Variants in LASP1 observed in about 807,000 individuals in gnomAD.
LASP1 encodes the protein LIM and SH3 protein 1.
In LASP1, 10 loss-of-function variants were observed where a neutral mutation model predicts 38.6. That is an observed-to-expected ratio of 0.26 (90% CI 0.16 to 0.44). The LOEUF is 0.44. LASP1 is among the 20% of genes least tolerant of loss of function. The pLI is 1.00. For missense variants in LASP1, 243 were observed against 375.7 expected, an observed-to-expected ratio of 0.65 and a Z score of 2.92; for synonymous variants, 132 against 140.8, an observed-to-expected ratio of 0.94 and a Z score of 0.44.
intron 2 of LASP1, among the ~76,000 whole-genome samples, chr17:38,888,359 G>A (rs188029723): frequency 6.6e-6 from 1 of 151,866 alleles, no homozygotes; most frequent in African/African-American, 2.4e-5. Context: ...CTCACTGCAA[G>A]CTCCACCTCC....
chr17:38,899,747 C>CTTT (rs34397105), intron 4 of LASP1, among the ~76,000 whole-genome samples: 6 of 136,124 alleles, frequency 4.4e-5, no homozygotes, highest in African/African-American at 1.1e-4. Context: ...GCGTTCAGAT[C>CTTT]TTTTTTTTTT....
At chr17:38,898,916 C>A (rs1914565677) in intron 4 of LASP1, 1 of 368,888 alleles carries the variant, frequency 2.7e-6, no homozygotes, top group Non-Finnish European at 5.4e-6. Flanking sequence ...GCTGACATTG[C>A]AGTCATTTCC....
At chr17:38,903,338 C>G (rs566837808) in intron 4 of LASP1, among the ~76,000 whole-genome samples, 54 of 152,168 alleles carry the variant, frequency 3.5e-4, no homozygotes, top group Non-Finnish European at 6.5e-4. Flanking sequence ...ATGCCAAGTG[C>G]TTGGCATGGG....
In LASP1 at chr17:38,875,056, C is replaced by CGTGTGTGTGTGTGTGTGTGTGTGT. The variant is rs3220064; in HGVS notation, c.70-3020_70-2997dup. 2.0e-3 allele frequency among the ~76,000 whole-genome samples: 277 copies of CGTGTGTGTGTGTGTGTGTGTGTGT among 140,388 alleles called. 2 individuals are homozygous for CGTGTGTGTGTGTGTGTGTGTGTGT. The highest frequency in any genetic ancestry group is 6.3e-3 in the African/African-American group (231 of 36,804). The allele number at this position is 140,388 out of a possible 152,430, so 92.1% of individuals were successfully genotyped here. A position where few individuals can be genotyped will look rare whatever the true frequency, so the allele number is the denominator to read the frequency against. On this transcript the variant is annotated intron_variant, in intron 1 of 6. Coordinates refer to ENST00000318008, the MANE Select transcript of LASP1 (RefSeq NM_006148.4). ...GGTCCTAGGACAGTGTGTAGCCCTT[C>CGTGTGTGTGTGTGTGTGTGTGTGT]GTGTGTGTGTGTGTGTGTGTGTGTG...
intron 3 of LASP1, among the ~76,000 whole-genome samples, chr17:38,896,114 G>GC (rs377096868): frequency 1.3e-5 from 2 of 152,218 alleles, no homozygotes; most frequent in Non-Finnish European, 2.9e-5. Flanking sequence ...GCCAGGGCAA[G>GC]AAGGGAGCCC....
chr17:38,876,909 T>A (rs1424513727), intron 1 of LASP1, among the ~76,000 whole-genome samples: 1 of 152,044 alleles, frequency 6.6e-6, no homozygotes, highest in Non-Finnish European at 1.5e-5. Context: ...TTCACCATGT[T>A]AGCCAGGATG....
intron 4 of LASP1, among the ~76,000 whole-genome samples, chr17:38,907,733 G>C (rs377246388): frequency 6.6e-6 from 1 of 152,192 alleles, no homozygotes; most frequent in African/African-American, 2.4e-5. Flanking sequence ...TCAGCCAGCC[G>C]TAACTTTAGA....
At chr17:38,914,993 G>A (rs751956421) in intron 5 of LASP1, 50 bp from the exon 6 acceptor site, 1 of 1,570,292 alleles carries the variant, frequency 6.4e-7, no homozygotes, top group South Asian at 1.1e-5. Context: ...TCTGGGAGGG[G>A]CTGGGTTTGG....
rs548512740 is a variant in LASP1, at chr17:38,918,946, T to G, written c.*168T>G. The G allele has an allele frequency of 7.2e-5, 53 of 737,284 alleles. No individual in the cohort carries two copies. Among genetic ancestry groups the G allele is most frequent in the Admixed American group, 2.8e-5 (1 of 36,212 alleles). 45.7% of individuals were successfully genotyped at this position (737,284 alleles called of 1,614,324 possible). ...AACTGAAGCCTTCTTCTGCCACTTC[T>G]GCGGGCTCCCTCCTCTGGCAGGCTT... On this transcript the variant is annotated 3_prime_UTR_variant, in exon 7 of 7. Transcript: ENST00000318008. The surrounding 1 kb of genome is among the most constrained non-coding windows in gnomAD (Gnocchi z 4.4).
At chr17:38,890,224 G>A (rs990367500) in intron 2 of LASP1, 196 bp from the exon 3 acceptor site, 2 of 578,722 alleles carry the variant, frequency 3.5e-6, no homozygotes, top group South Asian at 2.0e-5. Flanking sequence ...TCCCAGGTCA[G>A]CCAGTCCCAG....
chr17:38,909,349 T>C (rs2143814214), intron 4 of LASP1, among the ~76,000 whole-genome samples: 1 of 152,302 alleles, frequency 6.6e-6, no homozygotes, highest in Admixed American at 6.5e-5. Context: ...GGCTCACGGC[T>C]GTAATCCCAG....
chr17:38,885,727 G>A (rs972207487), intron 2 of LASP1, among the ~76,000 whole-genome samples: 5 of 152,294 alleles, frequency 3.3e-5, no homozygotes, highest in African/African-American at 1.2e-4. Context: ...GTGGCCCCTG[G>A]TCTGTCTTAG....
intron 4 of LASP1, among the ~76,000 whole-genome samples, chr17:38,911,283 C>T (rs975674936): frequency 3.3e-5 from 5 of 152,126 alleles, no homozygotes; most frequent in Non-Finnish European, 5.9e-5. Context: ...GATGAGGTGC[C>T]GAGATGGACC....
intron 3 of LASP1, among the ~76,000 whole-genome samples, chr17:38,893,190 G>C (rs750130237): frequency 2.6e-5 from 4 of 152,240 alleles, no homozygotes; most frequent in Non-Finnish European, 5.9e-5. Flanking sequence ...CCCATGACCT[G>C]GCCCTGGAGC....
intron 4 of LASP1, among the ~76,000 whole-genome samples, chr17:38,912,009 G>C (rs2143820904): frequency 6.6e-6 from 1 of 152,318 alleles, no homozygotes; most frequent in East Asian, 1.9e-4. Context: ...GGCCAGGCTG[G>C]TCTCGAACTC....
At chr17:38,901,311 C>G (rs1009114307) in intron 4 of LASP1, among the ~76,000 whole-genome samples, 6 of 152,236 alleles carry the variant, frequency 3.9e-5, no homozygotes, top group Non-Finnish European at 7.3e-5. Flanking sequence ...CCAAGCCATC[C>G]GCATCTCAGG....
intron 3 of LASP1, among the ~76,000 whole-genome samples, chr17:38,894,557 A>G (rs530376346): frequency 6.6e-5 from 10 of 152,274 alleles, no homozygotes; most frequent in South Asian, 2.1e-4. Context: ...AAGCATTTAA[A>G]GATTCCTGAC....
intron 1 of LASP1, among the ~76,000 whole-genome samples, chr17:38,871,911 G>A (rs1049379874): frequency 6.6e-6 from 1 of 152,126 alleles, no homozygotes; most frequent in Non-Finnish European, 1.5e-5. Flanking sequence ...CCTTGAGAAT[G>A]TACCTGTCCT....
chr17:38,878,014 C>T (rs1913830357), intron 1 of LASP1, 72 bp from the exon 2 acceptor site: 2 of 1,156,264 alleles, frequency 1.7e-6, no homozygotes. Flanking sequence ...CCTGAGTGCC[C>T]CTTCCTAGGG....
Sources: allele counts gnomAD v4.1 joint callset (sites outside exome capture counted in the v4.1 genomes callset), GRCh38; gene constraint gnomAD v4.1.1; non-coding constraint Gnocchi (gnomAD v3.1); transcripts MANE v1.5; gene names NCBI Gene and HGNC (gene_info 2026-07-23, HGNC 2026-07-21).